Variants in CFAP74 observed in about 807,000 individuals in gnomAD.
CFAP74 encodes the protein cilia- and flagella-associated protein 74.
Under a neutral mutation model 188.9 loss-of-function variants are expected in CFAP74, and 124 were observed. The observed-to-expected ratio is 0.66, with a 90% CI of 0.57 to 0.76. The LOEUF (loss-of-function observed/expected upper bound fraction) is 0.76, where lower values mean the gene tolerates loss of function less well. CFAP74 is among the 30% of genes least tolerant of loss of function. The pLI, the probability that CFAP74 is intolerant of heterozygous loss-of-function variation, is 0.00. For synonymous variants in CFAP74, 956 were observed against 916.7 expected (o/e 1.04, Z -0.77); for missense variants, 2,198 against 2,165.2 (o/e 1.02, Z -0.30).
At position 1,979,688 on chromosome 1, in the gene CFAP74, C is replaced by T. The variant is rs113295242; in HGVS notation, c.501-5490G>A. 1.0e-3 allele frequency among the ~76,000 whole-genome samples: 94 copies of T among 93,280 alleles called. 7 individuals are homozygous for T. Among genetic ancestry groups the T allele is most frequent in the African/African-American group, 3.4e-3 (89 of 26,560 alleles). 61.2% of individuals were successfully genotyped at this position (93,280 alleles called of 152,430 possible). On this transcript the variant is annotated intron_variant, in intron 6 of 38. Coordinates refer to ENST00000682832, the MANE Select transcript of CFAP74 (RefSeq NM_001304360.2). ...CTGGGCGTGGGAAGGTGTCGCGTGA[C>T]GAGGCTGCGCAGAACACGCATGTCA...
At chr1:1,938,161 AAC>A (rs1558001307) in intron 25 of CFAP74, among the ~76,000 whole-genome samples, 4 of 149,724 alleles carry the variant, frequency 2.7e-5, no homozygotes, top group African/African-American at 9.9e-5. Flanking sequence ...ACTCACACTC[AAC>A]CTTACACACC....
intron 25 of CFAP74, 139 bp downstream of exon 25, chr1:1,938,716 C>T (rs945750097): frequency 1.7e-5 from 17 of 999,662 alleles, no homozygotes; most frequent in South Asian, 5.1e-5. Flanking sequence ...TCCTGCTGGC[C>T]GGCAGTGCTG....
At chr1:1,964,705 G>A (rs113480837) in intron 13 of CFAP74, among the ~76,000 whole-genome samples, 183 bp downstream of exon 13, 4,798 of 152,288 alleles carry the variant, frequency 0.032, 265 homozygotes, top group African/African-American at 0.11. Flanking sequence ...CAGGAGAATC[G>A]CTTGAACCCA....
chr1:1,941,541 G>A (rs1029112541), intron 22 of CFAP74, among the ~76,000 whole-genome samples: 5 of 152,202 alleles, frequency 3.3e-5, no homozygotes, highest in East Asian at 1.9e-4. Flanking sequence ...ACAGGTAAAG[G>A]AGCAAATGTC....
intron 18 of CFAP74, chr1:1,955,103 C>G: frequency 7.8e-7 from 1 of 1,284,966 alleles, no homozygotes; most frequent in Non-Finnish European, 1.0e-6. Context: ...CTGTGGAGAA[C>G]CGGCCCAGCT....
At chr1:1,978,954 G>A (rs1656621433) in intron 6 of CFAP74, among the ~76,000 whole-genome samples, 1 of 151,934 alleles carries the variant, frequency 6.6e-6, no homozygotes, top group Admixed American at 6.6e-5. Flanking sequence ...CAGAACACGT[G>A]TGTCGTGCTG....
In CFAP74 at chr1:1,926,407, G is replaced by T. The variant is rs556277942; in HGVS notation, c.3828+50C>A. 1.9e-6 allele frequency: 3 copies of T among 1,550,160 alleles called. No homozygotes were observed. The Admixed American group carries it at 5.9e-5, about 30-fold the overall frequency. The stretch of plus-strand genomic sequence containing the variant: ...CTGCAGGCTCTACCACGCCCTCCCC[G>T]GTCCCCGCTCCCACCCCGCAGGCCG... On this transcript the variant is annotated intron_variant, in intron 31 of 38. Coordinates refer to ENST00000682832, the MANE Select transcript of CFAP74 (RefSeq NM_001304360.2).
In CFAP74 at chr1:1,968,922, GCGCCCTCCTGGGGGCTCCGGTCCTGCC is replaced by G; in HGVS notation, c.1047-116_1047-90del. On this transcript the variant is annotated intron_variant, in intron 10 of 38. Coordinates refer to ENST00000682832, the MANE Select transcript of CFAP74 (RefSeq NM_001304360.2). This position sits in a 1 kb window ranked among gnomAD's most constrained non-coding sequence, Gnocchi z 4.3. ...GACAGTGCCCGGCGGCCCCTCCCTA[GCGCCCTCCTGGGGGCTCCGGTCCTGCC>G]CAGCAGCCCCAGGTGAGACAGCGCC... 2 of 1,240,014 alleles carry G rather than the reference GCGCCCTCCTGGGGGCTCCGGTCCTGCC, an allele frequency of 1.6e-6. No individual in the cohort carries two copies. The highest frequency in any genetic ancestry group is 2.4e-5 in the East Asian group (1 of 41,414). 76.8% of individuals were successfully genotyped at this position (1,240,014 alleles called of 1,614,324 possible).
At position 1,928,013 on chromosome 1, in the gene CFAP74, G is replaced by T. The variant is rs1374377806; in HGVS notation, c.3388-267C>A. ...GAGTGAGGAGGCGGCCAGAACCGGGGTCCCCACCCTGGTGCCTTCCCCTAT... is the reference window on the plus strand; with the variant it reads ...GAGTGAGGAGGCGGCCAGAACCGGGTTCCCCACCCTGGTGCCTTCCCCTAT... On this transcript the variant is annotated intron_variant, in intron 27 of 38. Coordinates refer to ENST00000682832, the MANE Select transcript of CFAP74 (RefSeq NM_001304360.2). The T allele has an allele frequency of 1.0e-5, 5 of 493,110 alleles. 1 individual carries two copies. Among genetic ancestry groups the T allele is most frequent in the South Asian group, 6.3e-5 (3 of 47,978 alleles). The allele number at this position is 493,110 out of a possible 1,614,324, so 30.5% of individuals were successfully genotyped here.
intron 1 of CFAP74, among the ~76,000 whole-genome samples, chr1:1,998,999 G>A (rs1367820155): frequency 1.3e-5 from 2 of 152,214 alleles, no homozygotes; most frequent in Non-Finnish European, 2.9e-5. Flanking sequence ...TTGCTCTATA[G>A]ATTCCCTAAA....
intron 1 of CFAP74, among the ~76,000 whole-genome samples, chr1:1,992,219 C>T (rs1657627703): frequency 6.6e-6 from 1 of 152,028 alleles, no homozygotes; most frequent in Admixed American, 6.6e-5. Context: ...GGCTGGAGTG[C>T]AGTGACACAA....
chr1:1,935,774 T>C (rs1557998848), intron 25 of CFAP74, among the ~76,000 whole-genome samples: 1 of 152,002 alleles, frequency 6.6e-6, no homozygotes. Context: ...GTACATGATG[T>C]TGGCTGAGTT....
chr1:1,997,240 T>C (rs570866337), intron 1 of CFAP74, among the ~76,000 whole-genome samples: 26 of 151,590 alleles, frequency 1.7e-4, no homozygotes, highest in African/African-American at 6.0e-4. Flanking sequence ...CTGACCAATG[T>C]GGGGAAACCC....
chr1:1,949,673 C>CTG (rs1168101984), intron 18 of CFAP74, among the ~76,000 whole-genome samples: 5 of 152,154 alleles, frequency 3.3e-5, no homozygotes, highest in African/African-American at 1.2e-4. Flanking sequence ...ACCCTTTCCC[C>CTG]TGCCCCAGCA....
At chr1:1,971,361 GCA>G (rs61497387) in intron 9 of CFAP74, among the ~76,000 whole-genome samples, 3,337 of 149,326 alleles carry the variant, frequency 0.022, 121 homozygotes, top group African/African-American at 0.077. Flanking sequence ...ATGCACACCT[GCA>G]CACACACGGT....
chr1:1,932,098 A>C (rs1467084399), intron 25 of CFAP74, among the ~76,000 whole-genome samples: 14 of 123,406 alleles, frequency 1.1e-4, no homozygotes, highest in African/African-American at 3.9e-4. Context: ...AAAAAACAAA[A>C]AACTTAGAAA....
In CFAP74 at chr1:1,928,731, C is replaced by T. The variant is rs889330666; in HGVS notation, c.3387+53G>A. On this transcript the variant is annotated intron_variant, in intron 27 of 38. Coordinates refer to ENST00000682832, the MANE Select transcript of CFAP74 (RefSeq NM_001304360.2). Reference sequence around the variant, plus strand: ...GGACTCGAAGGCGGTGGAGTTTGTTCCTGCAACAGGCCCTTCCCCGACCTA... The same window carrying T: ...GGACTCGAAGGCGGTGGAGTTTGTTTCTGCAACAGGCCCTTCCCCGACCTA... 16 of 1,387,272 alleles carry T rather than the reference C, an allele frequency of 1.2e-5. No homozygotes were observed. In the Admixed American group the frequency reaches 2.2e-4, roughly 19 times the overall value. The allele number at this position is 1,387,272 out of a possible 1,614,324, so 85.9% of individuals were successfully genotyped here.
At chr1:1,958,106 G>A (rs559821667) in intron 16 of CFAP74, among the ~76,000 whole-genome samples, 10 of 152,206 alleles carry the variant, frequency 6.6e-5, no homozygotes, top group Non-Finnish European at 7.3e-5. Context: ...CCCTCTCCAC[G>A]GCGACACGCG....
intron 19 of CFAP74, 143 bp from the exon 20 acceptor site, chr1:1,946,582 T>C: frequency 1.9e-6 from 2 of 1,072,650 alleles, no homozygotes; most frequent in Non-Finnish European, 2.6e-6. Context: ...ACAGATGTCC[T>C]GGGCCTGGCC....
Sources: gnomAD v4.1 joint callset for allele counts (sites outside exome capture counted in the v4.1 genomes callset) on GRCh38, gnomAD v4.1.1 for gene constraint, Gnocchi (gnomAD v3.1) non-coding constraint, MANE v1.5 for transcripts, NCBI Gene and HGNC (gene_info 2026-07-23, HGNC 2026-07-21) for gene names.